JAZF1: variants seen among roughly 807,000 people sequenced by gnomAD.
JAZF1 encodes the protein juxtaposed with another zinc finger protein 1.
JAZF1 carries 8 observed loss-of-function variants against 26.4 expected under a neutral mutation model. The observed-to-expected ratio is 0.30, with a 90% CI of 0.18 to 0.55. The LOEUF is 0.55. Among genes scored for constraint, JAZF1 ranks in the 20% least tolerant of loss-of-function variants. The probability of loss-of-function intolerance (pLI) is 0.94; values close to 1 mark genes in which losing one functional copy is unlikely to be tolerated. For synonymous variants in JAZF1, 126 were observed against 122.3 expected, an observed-to-expected ratio of 1.03 and a Z score of -0.20; for missense variants, 199 against 322.0, an observed-to-expected ratio of 0.62 and a Z score of 2.92.
chr7:28,123,735 G>A (rs1782641526), intron 1 of JAZF1, among the ~76,000 whole-genome samples: 1 of 152,198 alleles, frequency 6.6e-6, no homozygotes, highest in Non-Finnish European at 1.5e-5. Flanking sequence ...TAGCAATGAT[G>A]GAAGATGGAA....
chr7:27,848,451 T>G (rs1783073060), intron 3 of JAZF1, among the ~76,000 whole-genome samples: 1 of 152,176 alleles, frequency 6.6e-6, no homozygotes, highest in African/African-American at 2.4e-5. Context: ...CAAAAATCAG[T>G]TGGATTAGAT....
At chr7:27,962,048 A>G (rs1458575878) in intron 2 of JAZF1, among the ~76,000 whole-genome samples, 1 of 152,190 alleles carries the variant, frequency 6.6e-6, no homozygotes, top group African/African-American at 2.4e-5. Context: ...ATAATAATAG[A>G]TTATTTAAAT....
At chr7:28,053,937 A>C (rs1008099518) in intron 1 of JAZF1, among the ~76,000 whole-genome samples, 1 of 152,196 alleles carries the variant, frequency 6.6e-6, no homozygotes, top group Non-Finnish European at 1.5e-5. Context: ...AAGCAAAAAG[A>C]AAAGGAAAAA....
chr7:28,132,196 G>A (rs1782806124), intron 1 of JAZF1, among the ~76,000 whole-genome samples: 1 of 152,128 alleles, frequency 6.6e-6, no homozygotes, highest in Admixed American at 6.6e-5. Flanking sequence ...TACTAATTAG[G>A]GTAAGCAGTA....
chr7:27,862,231 G>A (rs978818326), intron 3 of JAZF1, among the ~76,000 whole-genome samples: 2 of 152,030 alleles, frequency 1.3e-5, no homozygotes, highest in Non-Finnish European at 2.9e-5. Flanking sequence ...TTTTATTTTA[G>A]ATCTAGGGGG....
intron 2 of JAZF1, among the ~76,000 whole-genome samples, chr7:27,907,349 T>C (rs547463553): frequency 1.3e-5 from 2 of 152,338 alleles, no homozygotes; most frequent in African/African-American, 4.8e-5. Context: ...GGTATTTCCA[T>C]GGGTGCTGGC....
intron 1 of JAZF1, among the ~76,000 whole-genome samples, chr7:28,164,254 A>C (rs1382106886): frequency 6.6e-6 from 1 of 152,214 alleles, no homozygotes; most frequent in Admixed American, 6.5e-5. Flanking sequence ...ATTAATGCTT[A>C]TTGTCTAAAG....
intron 1 of JAZF1, among the ~76,000 whole-genome samples, chr7:28,174,306 G>A (rs1402994047): frequency 6.6e-6 from 1 of 152,212 alleles, no homozygotes; most frequent in East Asian, 1.9e-4. Context: ...AAGGAATTCA[G>A]AAACATTGTC....
chr7:28,009,425 C>A (rs80214823), intron 1 of JAZF1, among the ~76,000 whole-genome samples: 1 of 151,850 alleles, frequency 6.6e-6, no homozygotes, highest in African/African-American at 2.4e-5. Flanking sequence ...CACAAACATA[C>A]GAAAGTTTCA....
intron 4 of JAZF1, among the ~76,000 whole-genome samples, chr7:27,837,614 G>A (rs74867567): frequency 0.026 from 3,992 of 152,284 alleles, 156 homozygotes; most frequent in African/African-American, 0.09. Flanking sequence ...GGGGCGGAGA[G>A]GGGAGTAAGT....
At chr7:28,148,806 A>G (rs1783065188) in intron 1 of JAZF1, among the ~76,000 whole-genome samples, 1 of 152,220 alleles carries the variant, frequency 6.6e-6, no homozygotes, top group Non-Finnish European at 1.5e-5. Context: ...TGAAACAATC[A>G]GACAGCAACA....
At chr7:28,092,998 A>T (rs1273917147) in intron 1 of JAZF1, among the ~76,000 whole-genome samples, 1 of 152,208 alleles carries the variant, frequency 6.6e-6, no homozygotes, top group African/African-American at 2.4e-5. Flanking sequence ...GGTTTCTACA[A>T]AGTGTTCTAG....
chr7:28,174,837 T>TGTGTGTGTGG (rs1341767981), intron 1 of JAZF1, among the ~76,000 whole-genome samples: 2 of 121,352 alleles, frequency 1.6e-5, no homozygotes, highest in Admixed American at 1.7e-4. Flanking sequence ...TGTGTGTGTG[T>TGTGTGTGTGG]GTGTGTGTGT....
At chr7:28,099,454 T>A (rs888230159) in intron 1 of JAZF1, among the ~76,000 whole-genome samples, 1 of 148,508 alleles carries the variant, frequency 6.7e-6, no homozygotes, top group African/African-American at 2.5e-5. Flanking sequence ...GGGAGAGGAG[T>A]ATGCAAGATG....
At chr7:27,929,336 C>T (rs1407979283) in intron 2 of JAZF1, among the ~76,000 whole-genome samples, 2 of 152,154 alleles carry the variant, frequency 1.3e-5, no homozygotes, top group Non-Finnish European at 2.9e-5. Flanking sequence ...GCAGAAGTGG[C>T]GGCCACCCTG....
chr7:28,097,065 A>T (rs1386011581), intron 1 of JAZF1, among the ~76,000 whole-genome samples: 1 of 152,212 alleles, frequency 6.6e-6, no homozygotes, highest in African/African-American at 2.4e-5. Context: ...AGGGTTTTTA[A>T]CTAACTCTTT....
chr7:28,124,780 G>A (rs1381217776), intron 1 of JAZF1, among the ~76,000 whole-genome samples: 1 of 152,152 alleles, frequency 6.6e-6, no homozygotes, highest in East Asian at 1.9e-4. Flanking sequence ...GATGTGAATA[G>A]GAACTAATTT....
chr7:27,905,057 C>A (rs1784228465), intron 2 of JAZF1, among the ~76,000 whole-genome samples: 1 of 152,166 alleles, frequency 6.6e-6, no homozygotes, highest in Non-Finnish European at 1.5e-5. Flanking sequence ...CTTCAGCCTC[C>A]CAAGTAGCTG....
intron 3 of JAZF1, chr7:27,846,574 T>C (rs1783036950): frequency 2.1e-6 from 1 of 470,624 alleles, no homozygotes; most frequent in East Asian, 7.0e-5. Flanking sequence ...AGAAGAGGGA[T>C]TGTTGGGTCA....
Sources: allele counts gnomAD v4.1 joint callset (sites outside exome capture counted in the v4.1 genomes callset), GRCh38; gene constraint gnomAD v4.1.1; transcripts MANE v1.5; gene names NCBI Gene and HGNC (gene_info 2026-07-23, HGNC 2026-07-21).